Variants in TEX14 observed in about 807,000 individuals in gnomAD.
TEX14 encodes inactive serine/threonine-protein kinase TEX14.
TEX14 carries 168 observed loss-of-function variants against 178.6 expected under a neutral mutation model. The observed-to-expected ratio is 0.94, with a 90% CI of 0.83 to 1.07. The LOEUF (loss-of-function observed/expected upper bound fraction) is 1.07, where lower values mean the gene tolerates loss of function less well. Among genes scored for constraint, TEX14 ranks in the 50% least tolerant of loss-of-function variants. The pLI is 0.00. For missense variants in TEX14, 1,730 were observed against 1,753.6 expected, an observed-to-expected ratio of 0.99 and a Z score of 0.24; for synonymous variants, 626 against 634.1, an observed-to-expected ratio of 0.99 and a Z score of 0.19.
chr17:58,628,768 C>T (rs368736075), intron 3 of TEX14, among the ~76,000 whole-genome samples: 24 of 151,412 alleles, frequency 1.6e-4, no homozygotes, highest in East Asian at 1.5e-3. Flanking sequence ...GCCTGTAATC[C>T]CAGCTACTTG....
chr17:58,620,918 G>A (rs2045983260), intron 5 of TEX14, among the ~76,000 whole-genome samples: 1 of 152,174 alleles, frequency 6.6e-6, no homozygotes, highest in Non-Finnish European at 1.5e-5. Flanking sequence ...GAAGCCAGCA[G>A]CATCCAATCA....
At chr17:58,645,428 G>A (rs538038413) in intron 2 of TEX14, among the ~76,000 whole-genome samples, 15 of 150,834 alleles carry the variant, frequency 9.9e-5, no homozygotes, top group Non-Finnish European at 1.6e-4. Context: ...GCGCGATCTC[G>A]GCTCACTGCA....
Position 58,599,523 on chromosome 17 carries a change from T to C in TEX14, c.1822A>G (p.Ser608Gly). The C allele has an allele frequency of 2.5e-6, 4 of 1,614,122 alleles. No individual in the cohort carries two copies. Among genetic ancestry groups the C allele is most frequent in the Non-Finnish European group, 8.5e-7 (1 of 1,180,016 alleles). Residue 608 changes from serine to glycine, a missense_variant, in exon 14 of 32, where the codon AGC (serine) becomes GGC (glycine). Ser to Gly is a moderately conservative substitution (Grantham distance 56). This residue lies in a region of TEX14 where 941 missense variants were observed against 1,072.4 expected (regional missense o/e 0.88). Coordinates refer to ENST00000349033, the MANE Select transcript of TEX14 (RefSeq NM_031272.5). ...CTTGGCTGACCTGTGCTGGGGCTGC[T>C]GGCCTCTTCTGCCATAAATGGAGCA... ...CPAPFMAEEA[S>G]SPSTGQPSLC...
At chr17:58,645,282 C>T (rs1054782857) in intron 2 of TEX14, among the ~76,000 whole-genome samples, 9 of 152,094 alleles carry the variant, frequency 5.9e-5, no homozygotes, top group African/African-American at 2.2e-4. Context: ...GCCACCATGC[C>T]CAGCCTATAT....
intron 2 of TEX14, among the ~76,000 whole-genome samples, chr17:58,644,630 G>A (rs955973583): frequency 2.3e-5 from 3 of 128,170 alleles, no homozygotes; most frequent in African/African-American, 5.9e-5. Flanking sequence ...GTAAGCCACC[G>A]CACCTGGCTT....
In TEX14 at chr17:58,561,603, A is replaced by AGG. The variant is rs1362562523; in HGVS notation, c.4073_4074insCC (p.Thr1359LeufsTer60). The stretch of plus-strand genomic sequence containing the variant: ...ATCTTTCCAGGTCCTCATCCAGAGT[A>AGG]GAGTGAGCTCTGTTTAAGGACAAGT... On this transcript the variant is annotated frameshift_variant, in exon 29 of 32. Transcript: ENST00000349033. LOFTEE classifies it high-confidence loss of function. The AGG allele has an allele frequency of 6.2e-7, 1 of 1,612,282 alleles. No homozygotes were observed. Among genetic ancestry groups the AGG allele is most frequent in the Admixed American group, 1.7e-5 (1 of 59,996 alleles).
intron 26 of TEX14, among the ~76,000 whole-genome samples, 165 bp from the exon 27 acceptor site, chr17:58,565,989 A>G (rs1345310477): frequency 6.6e-6 from 1 of 152,218 alleles, no homozygotes; most frequent in Non-Finnish European, 1.5e-5. Flanking sequence ...GACCTGCTGA[A>G]TCAGAAACTC....
intron 1 of TEX14, among the ~76,000 whole-genome samples, chr17:58,659,029 C>A (rs2047030236): frequency 6.6e-6 from 1 of 150,490 alleles, no homozygotes; most frequent in African/African-American, 2.5e-5. Context: ...CAGACCGTAA[C>A]CTAAGAAGAC....
chr17:58,630,111 C>A (rs1458162636), intron 3 of TEX14, among the ~76,000 whole-genome samples: 1 of 151,096 alleles, frequency 6.6e-6, no homozygotes, highest in Non-Finnish European at 1.5e-5. Flanking sequence ...GGCTGGGGTA[C>A]AATGGCGCGA....
At position 58,602,498 on chromosome 17, in the gene TEX14, G is replaced by T. The variant is rs368500542; in HGVS notation, c.1429C>A (p.Pro477Thr). 16 of 1,613,850 alleles carry T rather than the reference G, an allele frequency of 9.9e-6. No individual in the cohort carries two copies. The highest frequency in any genetic ancestry group is 1.3e-5 in the Non-Finnish European group (15 of 1,180,024). ...CCTGACTTAACAATATCATAGTAAG[G>T]TTTCGGAAGCCTGACATCAGCTTCT... is the stretch of plus-strand genomic sequence containing the variant. The part of the protein sequence containing the change: ...YLEADVRLPK[P>T]YYDIVKSGIH... Residue 477 changes from proline (P) to threonine (T), a missense_variant, in exon 12 of 32, where the codon CCT (proline) becomes ACT (threonine). Coordinates refer to ENST00000349033, the MANE Select transcript of TEX14 (RefSeq NM_031272.5).
rs1484420893 is a variant in TEX14 at position 58,573,161 on chromosome 17, C to T, written c.3511+20G>A. 3 of 1,613,264 alleles carry T rather than the reference C, an allele frequency of 1.9e-6. No individual in the cohort carries two copies. The East Asian group carries it at 6.7e-5, about 36-fold the overall frequency. ...GGCTGTAAGTCCTTCTCCCCAAACA[C>T]TTCTCTTCCCTGTGATTACCTGGGC... is the stretch of plus-strand genomic sequence containing the variant. On this transcript the variant is annotated intron_variant, in intron 23 of 31. Coordinates refer to ENST00000349033, the MANE Select transcript of TEX14 (RefSeq NM_031272.5).
chr17:58,627,084 G>A (rs550271556), intron 3 of TEX14, among the ~76,000 whole-genome samples: 1 of 151,978 alleles, frequency 6.6e-6, no homozygotes, highest in Non-Finnish European at 1.5e-5. Flanking sequence ...TCCTGGCATT[G>A]CCTGGCATTA....
chr17:58,659,153 G>A (rs776152613), intron 1 of TEX14, among the ~76,000 whole-genome samples: 5 of 150,938 alleles, frequency 3.3e-5, no homozygotes, highest in African/African-American at 1.2e-4. Context: ...TCACAGGACA[G>A]AAAAGCGCAA....
chr17:58,621,929 T>A, intron 4 of TEX14, 143 bp from the exon 5 acceptor site: 1 of 918,138 alleles, frequency 1.1e-6, no homozygotes, highest in South Asian at 2.2e-5. Context: ...GGTGATTTTC[T>A]AAAGGTATGG....
Position 58,660,415 on chromosome 17 carries a change from A to AAAT in TEX14, c.-1-8416_-1-8414dup, listed in dbSNP as rs745782857. 2.0e-3 allele frequency: 806 copies of AAAT among 409,354 alleles called. 3 individuals carry two copies. Among genetic ancestry groups the AAAT allele is most frequent in the African/African-American group, 0.015 (737 of 48,474 alleles). The allele number at this position is 409,354 out of a possible 1,614,324, so 25.4% of individuals were successfully genotyped here. A position where few individuals can be genotyped will look rare whatever the true frequency, so the allele number is the denominator to read the frequency against. On this transcript the variant is annotated intron_variant, in intron 1 of 31. Coordinates refer to ENST00000349033, the MANE Select transcript of TEX14 (RefSeq NM_031272.5). ...AAACTCCATCTCAAAAAAATAAATA[A>AAAT]AATAATAATAATAATTTAACACTTT... is the stretch of plus-strand genomic sequence containing the variant.
Position 58,593,624 on chromosome 17 carries a change from T to C in TEX14, c.2507A>G (p.Asp836Gly). 1 of 1,614,164 alleles carries C rather than the reference T, an allele frequency of 6.2e-7. No homozygotes were observed. The highest frequency in any genetic ancestry group is 8.5e-7 in the Non-Finnish European group (1 of 1,180,022). ...TCCTTGAGTGCACTGAAATTGTTCA[T>C]CTGTGTTCTGTTTTCCAGGGTCACA... ...TLCDPGKQNT[D>G]EQFQCTQGAK... The change falls in exon 15 of 32, where the codon GAT (aspartate) becomes GGT (glycine). Residue 836 changes from aspartate to glycine, a missense_variant. By Grantham distance (94) the Asp-to-Gly change is moderately conservative. Coordinates refer to ENST00000349033, the MANE Select transcript of TEX14 (RefSeq NM_031272.5).
chr17:58,666,830 C>A (rs973315292), intron 1 of TEX14: 7 of 152,140 alleles, frequency 4.6e-5, no homozygotes, highest in South Asian at 4.1e-4. Flanking sequence ...TATACTATAT[C>A]TTGGTGTTGG....
chr17:58,686,929 A>AG (rs1168112149), intron 1 of TEX14, among the ~76,000 whole-genome samples: 1 of 115,342 alleles, frequency 8.7e-6, no homozygotes, highest in Non-Finnish European at 1.6e-5. Context: ...CCTAGAGCGC[A>AG]GGGGAGGGAT....
chr17:58,674,056 C>T (rs2047348066), intron 1 of TEX14, among the ~76,000 whole-genome samples: 1 of 151,976 alleles, frequency 6.6e-6, no homozygotes, highest in African/African-American at 2.4e-5. Context: ...GGCAGATTGC[C>T]TGAGATCAGG....
Sources: allele counts gnomAD v4.1 joint callset (sites outside exome capture counted in the v4.1 genomes callset), GRCh38; gene constraint gnomAD v4.1.1; regional missense constraint gnomAD v4.1.1; transcripts MANE v1.5; gene names NCBI Gene and HGNC (gene_info 2026-07-23, HGNC 2026-07-21).